Variants in ATG7 observed in about 807,000 individuals in gnomAD.
ATG7 encodes the protein autophagy related 7, also known as ubiquitin-like modifier-activating enzyme ATG7.
ATG7 carries 70 observed loss-of-function variants against 82.4 expected under a neutral mutation model. The ratio of observed to expected loss-of-function variants is 0.85; its 90% CI spans 0.70 to 1.04. The LOEUF is 1.04. Ranked by LOEUF, ATG7 falls within the 50% of genes least tolerant of loss-of-function variation. The pLI, the probability that ATG7 is intolerant of heterozygous loss-of-function variation, is 0.00. For missense variants in ATG7, 792 were observed against 864.3 expected (o/e 0.92, Z 1.05); for synonymous variants, 287 against 313.0 (o/e 0.92, Z 0.88).
chr3:11,380,840 T>C (rs929687757), intron 19 of ATG7, among the ~76,000 whole-genome samples: 1 of 152,162 alleles, frequency 6.6e-6, no homozygotes, highest in Admixed American at 6.6e-5. Flanking sequence ...TCAGTTACAA[T>C]TTGGAACTAT....
the ATG7 span, among the ~76,000 whole-genome samples, chr3:11,570,320 C>T: frequency 1.3e-5 from 2 of 152,154 alleles, no homozygotes; most frequent in Non-Finnish European, 2.9e-5. Context: ...TTCCACCCAC[C>T]TTCCTGCCCC....
intron 20 of ATG7, among the ~76,000 whole-genome samples, chr3:11,455,727 A>G (rs1348890558): frequency 6.6e-6 from 1 of 152,166 alleles, no homozygotes; most frequent in Non-Finnish European, 1.5e-5. Flanking sequence ...CTTCAGCCTA[A>G]TATCTTTAGT....
chr3:11,441,669 A>AT (rs2083982881), intron 20 of ATG7, among the ~76,000 whole-genome samples: 3 of 75,848 alleles, frequency 4.0e-5, no homozygotes, highest in African/African-American at 1.0e-4. Context: ...TTTTTTTTTT[A>AT]ATTTTTTTTT....
rs549729035 is a variant in ATG7, at chr3:11,451,437, C to T, written c.2079+24511C>T. Among the ~76,000 whole-genome samples the T allele has an allele frequency of 4.9e-4, 74 of 152,274 alleles. 3 individuals carry two copies. The South Asian group carries it at 0.015, about 30-fold the overall frequency. ...ATGTTGGCTAGCTGGTCCTGACCTC[C>T]TGGCCTCAAGTGATCCACCCGACTT... On this transcript the variant is annotated intron_variant, in intron 20 of 20. Transcript: ENST00000693202.
chr3:11,488,323 G>C (rs1481510213), intron 20 of ATG7: 1 of 331,250 alleles, frequency 3.0e-6, no homozygotes, highest in Non-Finnish European at 5.2e-6. Flanking sequence ...GGCCCCGCGG[G>C]GTCCGTCCGC....
At chr3:11,499,550 A>G (rs1374565514) in intron 20 of ATG7, among the ~76,000 whole-genome samples, 1 of 152,142 alleles carries the variant, frequency 6.6e-6, no homozygotes, top group East Asian at 1.9e-4. Context: ...GTTCGAGACC[A>G]GCCTGGCTAA....
chr3:11,442,739 C>CCAAAAAAAAAAAAAAAAAAAAA lies in ATG7; in HGVS notation c.2079+15813_2079+15814insCAAAAAAAAAAAAAAAAAAAAA, dbSNP rs1553668928. ...GCAGCATAGTGAGACTCCATCTCTA[C>CCAAAAAAAAAAAAAAAAAAAAA]AAAAAAAAAAAAAAAAAAAAAAAAA... On this transcript the variant is annotated intron_variant, in intron 20 of 20. Transcript: ENST00000693202. Among the ~76,000 whole-genome samples, 8 of 69,252 alleles carry CCAAAAAAAAAAAAAAAAAAAAA rather than the reference C, an allele frequency of 1.2e-4. 2 individuals carry two copies. The highest frequency in any genetic ancestry group is 1.0e-3 in the East Asian group (2 of 1,944). 45.4% of individuals were successfully genotyped at this position (69,252 alleles called of 152,430 possible).
chr3:11,404,817 A>G (rs2080178705), intron 19 of ATG7, among the ~76,000 whole-genome samples: 1 of 152,058 alleles, frequency 6.6e-6, no homozygotes, highest in Non-Finnish European at 1.5e-5. Flanking sequence ...TAAAACCATC[A>G]GATCTCGTGA....
chr3:11,522,860 A>G lies in ATG7; in HGVS notation c.2080-31951A>G, dbSNP rs2092477430. Among the ~76,000 whole-genome samples the G allele has an allele frequency of 4.6e-5, 7 of 152,116 alleles. No individual in the cohort carries two copies. The South Asian group carries it at 1.5e-3, about 32-fold the overall frequency. On this transcript the variant is annotated intron_variant, in intron 20 of 20. Coordinates refer to ENST00000693202, the MANE Select transcript of ATG7 (RefSeq NM_001349232.2). ...AGTGTCTGAAGGCTTCCTTTCACAA[A>G]TTAGTAGATAGCTCTGGATCTAGAA...
rs749130482 is a variant in ATG7 at position 11,557,175 on chromosome 3, C to T, written c.*2332C>T. ...TTGACCAAAAAGGAGCAGCTGTGACCTCCACAGCTGTGTCTGTCATGCTTG... is the reference window on the plus strand; with the variant it reads ...TTGACCAAAAAGGAGCAGCTGTGACTTCCACAGCTGTGTCTGTCATGCTTG... On this transcript the variant is annotated 3_prime_UTR_variant, in exon 21 of 21. Transcript: ENST00000693202. 2 of 152,772 alleles carry T rather than the reference C, an allele frequency of 1.3e-5. No individual in the cohort carries two copies. Among genetic ancestry groups the T allele is most frequent in the Admixed American group, 6.5e-5 (1 of 15,280 alleles). 9.5% of individuals were successfully genotyped at this position (152,772 alleles called of 1,614,324 possible). A position where few individuals can be genotyped will look rare whatever the true frequency, so the allele number is the denominator to read the frequency against.
the ATG7 span, among the ~76,000 whole-genome samples, chr3:11,571,630 G>A: frequency 5.3e-5 from 8 of 152,146 alleles, no homozygotes; most frequent in Non-Finnish European, 1.0e-4. Context: ...CAGAGCCACT[G>A]CACTCCAGCC....
intron 20 of ATG7, among the ~76,000 whole-genome samples, chr3:11,471,273 G>A (rs2087485610): frequency 6.6e-6 from 1 of 152,224 alleles, no homozygotes; most frequent in South Asian, 2.1e-4. Context: ...GCTGGCCCTG[G>A]CGCTCTGGAC....
chr3:11,390,729 A>C (rs2078730893), intron 19 of ATG7, among the ~76,000 whole-genome samples: 1 of 141,558 alleles, frequency 7.1e-6, no homozygotes. Flanking sequence ...AAAGAGAATG[A>C]GCAATTTGCA....
In ATG7 at chr3:11,557,459, AAAAT is replaced by A. The variant is rs1158604687; in HGVS notation, c.*2621_*2624del. ...TTGTAACAAAGCAGACAGGGATGCA[AAAAT>A]AAATGATGTCAGCCTGCAGCCAAAC... On this transcript the variant is annotated 3_prime_UTR_variant, in exon 21 of 21. Coordinates refer to ENST00000693202, the MANE Select transcript of ATG7 (RefSeq NM_001349232.2). The A allele has an allele frequency of 6.6e-6, 1 of 152,604 alleles. No individual in the cohort carries two copies. The highest frequency in any genetic ancestry group is 1.5e-5 in the Non-Finnish European group (1 of 68,034). 9.5% of individuals were successfully genotyped at this position (152,604 alleles called of 1,614,324 possible).
chr3:11,564,040 C>T, the ATG7 span, among the ~76,000 whole-genome samples: 2 of 152,210 alleles, frequency 1.3e-5, no homozygotes, highest in African/African-American at 4.8e-5. Context: ...CGGCACCATC[C>T]TCTCTGTCAG....
At position 11,315,382 on chromosome 3, in the gene ATG7, A is replaced by T. The variant is rs1949257483; in HGVS notation, c.567A>T (p.Gln189His). The change falls in exon 9 of 21, where the codon CAA becomes CAT. Residue 189 changes from glutamine (Q) to histidine (H), a missense_variant. Physicochemically the swap from Gln to His is conservative, Grantham distance 24. Coordinates refer to ENST00000693202, the MANE Select transcript of ATG7 (RefSeq NM_001349232.2). ...AGTGTGCATATGATAATCTTTGTCA[A>T]ACAGAAGGAGTCACAGCTCTTCCTT... ...ALECAYDNLCQTEGVTALPYF... is the reference protein window; with the variant it reads ...ALECAYDNLCHTEGVTALPYF... 1 of 1,609,190 alleles carries T rather than the reference A, an allele frequency of 6.2e-7. No homozygotes were observed. The highest frequency in any genetic ancestry group is 1.3e-5 in the African/African-American group (1 of 74,766).
At chr3:11,427,780 A>C (rs1044442724) in intron 20 of ATG7, among the ~76,000 whole-genome samples, 2 of 150,088 alleles carry the variant, frequency 1.3e-5, no homozygotes, top group African/African-American at 2.5e-5. Flanking sequence ...GTGCCACTGC[A>C]CTCCAGTCCG....
At position 11,460,437 on chromosome 3, in the gene ATG7, G is replaced by T. The variant is rs919231536; in HGVS notation, c.2079+33511G>T. On this transcript the variant is annotated intron_variant, in intron 20 of 20. Coordinates refer to ENST00000693202, the MANE Select transcript of ATG7 (RefSeq NM_001349232.2). The stretch of plus-strand genomic sequence containing the variant: ...TGGCTCAGATGTCGTGAGAGAAGGG[G>T]TCATGACTGAGCAACAATGCCTGAT... Among the ~76,000 whole-genome samples the T allele has an allele frequency of 2.0e-5, 3 of 152,208 alleles. No individual in the cohort carries two copies. The East Asian group carries it at 5.8e-4, about 29-fold the overall frequency.
intron 16 of ATG7, among the ~76,000 whole-genome samples, chr3:11,361,272 G>T (rs1352418328): frequency 6.6e-6 from 1 of 151,344 alleles, no homozygotes; most frequent in Non-Finnish European, 1.5e-5. Context: ...TTGAATTTCA[G>T]TTAATAATGA....
Sources: gnomAD v4.1 joint callset for allele counts (sites outside exome capture counted in the v4.1 genomes callset) on GRCh38, gnomAD v4.1.1 for gene constraint, MANE v1.5 for transcripts, NCBI Gene and HGNC (gene_info 2026-07-23, HGNC 2026-07-21) for gene names.